The following DLC1 variants were observed in gnomAD, a reference collection of about 807,000 sequenced individuals.
DLC1 encodes the protein DLC1 Rho GTPase activating protein.
A neutral mutation model predicts 140.3 loss-of-function variants in DLC1; 54 were observed. That is an observed-to-expected ratio of 0.38 (90% CI 0.31 to 0.48). The LOEUF is 0.48. Ranked by LOEUF, DLC1 falls within the 20% of genes least tolerant of loss-of-function variation. The probability of loss-of-function intolerance (pLI) is 0.96; values close to 1 mark genes in which losing one functional copy is unlikely to be tolerated. For synonymous variants in DLC1, 986 were observed against 728.1 expected, an observed-to-expected ratio of 1.35 and a Z score of -5.70; for missense variants, 2,536 against 1,907.0, an observed-to-expected ratio of 1.33 and a Z score of -6.14.
chr8:13,324,643 C>G (rs1221327797), intron 4 of DLC1, among the ~76,000 whole-genome samples: 1 of 147,526 alleles, frequency 6.8e-6, no homozygotes, highest in Non-Finnish European at 1.5e-5. Flanking sequence ...ACTTTTTCTT[C>G]TTTGTGCTAA....
chr8:13,315,843 A>T (rs1832842582), intron 4 of DLC1, among the ~76,000 whole-genome samples: 2 of 152,202 alleles, frequency 1.3e-5, no homozygotes, highest in Non-Finnish European at 2.9e-5. Flanking sequence ...TTGCCTCAAA[A>T]TGTTCATTTT....
Position 13,110,807 on chromosome 8 carries a change from G to C in DLC1, c.1437C>G (p.Ile479Met). 2 of 1,614,042 alleles carry C rather than the reference G, an allele frequency of 1.2e-6. No homozygotes were observed. The highest frequency in any genetic ancestry group is 2.2e-5 in the South Asian group (2 of 91,062). ...GCTCTCTCTTGACCAAGGAAATATC[G>C]ATGGGGAACAGGAAATCTATGAGAA... Reference protein sequence around the residue: ...AQLYEDFLFPIDISLVKREHD... With the variant: ...AQLYEDFLFPMDISLVKREHD... The change falls in exon 7 of 18, where the codon ATC (isoleucine) becomes ATG (methionine). Residue 479 changes from isoleucine to methionine, a missense_variant. Coordinates refer to ENST00000276297, the MANE Select transcript of DLC1 (RefSeq NM_182643.3).
At chr8:13,302,290 C>A (rs1431551459) in intron 5 of DLC1, among the ~76,000 whole-genome samples, 4 of 152,176 alleles carry the variant, frequency 2.6e-5, no homozygotes, top group Non-Finnish European at 4.4e-5. Context: ...AGAGGCCATG[C>A]CTTGTTCATA....
chr8:13,518,321 G>A (rs1167829560), upstream of DLC1, among the ~76,000 whole-genome samples: 1 of 152,090 alleles, frequency 6.6e-6, no homozygotes, highest in Non-Finnish European at 1.5e-5. Flanking sequence ...GTTGGCCAGG[G>A]TGGTCTTAAA....
At chr8:13,578,844 C>G (rs77680747) in intron 1 of DLC1, among the ~76,000 whole-genome samples, 2,627 of 152,158 alleles carry the variant, frequency 0.017, 75 homozygotes, top group African/African-American at 0.06. Context: ...TTTAGGTTTT[C>G]TGTGGAGACT....
At chr8:13,441,251 T>C (rs909558577) in intron 2 of DLC1, among the ~76,000 whole-genome samples, 17 of 152,166 alleles carry the variant, frequency 1.1e-4, no homozygotes, top group Admixed American at 8.5e-4. Context: ...CAGCCAATAT[T>C]ATACTGCATG....
intron 7 of DLC1, among the ~76,000 whole-genome samples, chr8:13,108,408 A>G (rs1301566346): frequency 6.6e-6 from 1 of 152,228 alleles, no homozygotes; most frequent in East Asian, 1.9e-4. Flanking sequence ...CATATGTGGC[A>G]GAGTCTGCTT....
intron 4 of DLC1, among the ~76,000 whole-genome samples, chr8:13,325,048 C>A (rs1833282339): frequency 6.6e-6 from 1 of 152,188 alleles, no homozygotes; most frequent in Admixed American, 6.5e-5. Flanking sequence ...AAATGCATCA[C>A]ATAGAAAACA....
intron 2 of DLC1, among the ~76,000 whole-genome samples, chr8:13,478,427 G>C (rs1800537851): frequency 6.6e-6 from 1 of 152,130 alleles, no homozygotes; most frequent in Non-Finnish European, 1.5e-5. Flanking sequence ...CATGAGATTT[G>C]GACAGGGACA....
intron 2 of DLC1, among the ~76,000 whole-genome samples, chr8:13,469,458 C>T (rs1046812331): frequency 6.6e-6 from 1 of 152,116 alleles, no homozygotes; most frequent in Admixed American, 6.6e-5. Flanking sequence ...GCTTATTTTT[C>T]AGGGCTTCAG....
At chr8:13,570,908 G>T (rs1003315401) in intron 1 of DLC1, among the ~76,000 whole-genome samples, 2 of 152,142 alleles carry the variant, frequency 1.3e-5, no homozygotes, top group Non-Finnish European at 2.9e-5. Flanking sequence ...CCCCTGTCCT[G>T]CCAGGGTTAA....
chr8:13,114,335 C>T (rs1820364712), intron 6 of DLC1, among the ~76,000 whole-genome samples: 1 of 152,218 alleles, frequency 6.6e-6, no homozygotes, highest in Non-Finnish European at 1.5e-5. Flanking sequence ...GAACTCCAGC[C>T]AGGGCGACAG....
chr8:13,166,579 C>T (rs528010597), intron 5 of DLC1, among the ~76,000 whole-genome samples: 12 of 152,126 alleles, frequency 7.9e-5, no homozygotes, highest in Non-Finnish European at 1.5e-4. Flanking sequence ...GTGATCCACC[C>T]GCTGTGGCCT....
chr8:13,582,698 A>AT (rs78626344), intron 1 of DLC1, among the ~76,000 whole-genome samples: 1 of 150,408 alleles, frequency 6.6e-6, no homozygotes, highest in Non-Finnish European at 1.5e-5. Flanking sequence ...ATATATATAT[A>AT]TTTTTTCCAT....
At chr8:13,100,837 AGGAG>A in intron 8 of DLC1, 67 bp from the exon 9 acceptor site, 1 of 1,487,746 alleles carries the variant, frequency 6.7e-7, no homozygotes, top group Non-Finnish European at 8.9e-7. Context: ...GGGCATGAGC[AGGAG>A]GCTGCTCATA....
chr8:13,552,739 G>T (rs940589144), intron 1 of DLC1, among the ~76,000 whole-genome samples: 1 of 151,678 alleles, frequency 6.6e-6, no homozygotes, highest in African/African-American at 2.4e-5. Context: ...TTTTTTAAAT[G>T]CAAGAAAATG....
intron 2 of DLC1, among the ~76,000 whole-genome samples, chr8:13,451,985 C>G (rs1250031930): frequency 6.6e-6 from 1 of 152,000 alleles, no homozygotes; most frequent in Non-Finnish European, 1.5e-5. Flanking sequence ...CCATGAACAC[C>G]AACAGAGTAC....
chr8:13,568,802 GAT>G (rs1259693594), intron 1 of DLC1, among the ~76,000 whole-genome samples: 2 of 152,304 alleles, frequency 1.3e-5, no homozygotes, highest in African/African-American at 4.8e-5. Context: ...ATGTAAAGAT[GAT>G]TTAGTCATGT....
intron 2 of DLC1, among the ~76,000 whole-genome samples, chr8:13,487,184 G>C (rs1017424088): frequency 2.6e-5 from 4 of 152,164 alleles, no homozygotes; most frequent in African/African-American, 9.7e-5. Context: ...TTTCAACAAA[G>C]AGTATACTTT....
Sources: allele counts gnomAD v4.1 joint callset (sites outside exome capture counted in the v4.1 genomes callset), GRCh38; gene constraint gnomAD v4.1.1; transcripts MANE v1.5; gene names NCBI Gene and HGNC (gene_info 2026-07-23, HGNC 2026-07-21).